KCNQ2: variants seen among roughly 807,000 people sequenced by gnomAD.
KCNQ2 encodes the protein potassium voltage-gated channel subfamily KQT member 2.
KCNQ2 carries 14 observed loss-of-function variants against 84.8 expected under a neutral mutation model. The ratio of observed to expected loss-of-function variants is 0.17; its 90% CI spans 0.11 to 0.26. The LOEUF is 0.26. Among genes scored for constraint, KCNQ2 ranks in the 10% least tolerant of loss-of-function variants. The probability of loss-of-function intolerance (pLI) is 1.00; values close to 1 mark genes in which losing one functional copy is unlikely to be tolerated. For missense variants in KCNQ2, 788 were observed against 1,254.0 expected (o/e 0.63, Z 5.61); for synonymous variants, 599 against 554.1 (o/e 1.08, Z -1.14).
At chr20:63,428,690 G>C (rs922691986) in intron 9 of KCNQ2, among the ~76,000 whole-genome samples, 1 of 152,192 alleles carries the variant, frequency 6.6e-6, no homozygotes, top group Admixed American at 6.5e-5. Context: ...GCAGGGAGGA[G>C]GGAAGAGGGC....
At chr20:63,439,208 C>T (rs943315139) in intron 6 of KCNQ2, among the ~76,000 whole-genome samples, 3 of 152,196 alleles carry the variant, frequency 2.0e-5, no homozygotes, top group African/African-American at 7.2e-5. Flanking sequence ...GACAGGGCCC[C>T]TCCACCTCCC....
chr20:63,427,170 C>G (rs1479587768), intron 10 of KCNQ2, among the ~76,000 whole-genome samples: 3 of 152,216 alleles, frequency 2.0e-5, no homozygotes, highest in Non-Finnish European at 4.4e-5. Flanking sequence ...TGCAGTGAGC[C>G]AAGATCGCAC....
chr20:63,433,993 G>A lies in KCNQ2; in HGVS notation c.1024-90C>T, dbSNP rs1337105012. The A allele has an allele frequency of 1.1e-5, 13 of 1,132,454 alleles. No homozygotes were observed. The South Asian group carries it at 1.6e-4, about 14-fold the overall frequency. 70.2% of individuals were successfully genotyped at this position (1,132,454 alleles called of 1,614,324 possible). A position where few individuals can be genotyped will look rare whatever the true frequency, so the allele number is the denominator to read the frequency against. ...GGGCGTGGAGGGAACGGGGCAGAGG[G>A]GACCCCCATGCTGTAGGCCAGGCAC... On this transcript the variant is annotated intron_variant, in intron 7 of 16. Transcript: ENST00000359125.
intron 9 of KCNQ2, among the ~76,000 whole-genome samples, chr20:63,429,945 G>A (rs907040663): frequency 2.0e-5 from 3 of 152,212 alleles, no homozygotes; most frequent in South Asian, 2.1e-4. Context: ...AGGACAGTCC[G>A]CTGTCCAAGT....
rs1168522040 is a variant in KCNQ2 at position 63,408,530 on chromosome 20, G to A, written c.1770C>T (p.Asp590=). 6.2e-7 allele frequency: 1 copy of A among 1,610,928 alleles called. No individual in the cohort carries two copies. The highest frequency in any genetic ancestry group is 8.5e-7 in the Non-Finnish European group (1 of 1,179,358). The part of the protein sequence containing the change: ...SRIKSLQSRV[D]QIVGRGPAIT... ...TCGCTGGGCCCCGCCCCACGATCTG[G>A]TCCACTCTACCGGGAACAGAGACCC... The change falls in exon 16 of 17, where the codon GAC becomes GAT. Residue 590 remains aspartate, a synonymous_variant. Transcript: ENST00000359125. This position sits in a 1 kb window ranked among gnomAD's most constrained non-coding sequence, Gnocchi z 5.0.
Position 63,472,381 on chromosome 20 carries a change from T to A in KCNQ2, c.83A>T (p.Asp28Val). Reference sequence around the variant, plus strand: ...CCGGGTGGAGTCGGGCGCGCCGGGGTCCAGCCCCACGAAGCCCACCTTCAG... The same window carrying A: ...CCGGGTGGAGTCGGGCGCGCCGGGGACCAGCCCCACGAAGCCCACCTTCAG... The part of the protein sequence containing the change: ...KKLKVGFVGL[D>V]PGAPDSTRDG... The change falls in exon 1 of 17, where the codon GAC (aspartate) becomes GTC (valine). Residue 28 changes from aspartate (D) to valine (V), a missense_variant. Physicochemically the swap from Asp to Val is radical, Grantham distance 152 (BLOSUM62 -3). Transcript: ENST00000359125. The A allele has an allele frequency of 1.3e-6, 2 of 1,535,306 alleles. No individual in the cohort carries two copies. The highest frequency in any genetic ancestry group is 1.7e-6 in the Non-Finnish European group (2 of 1,143,690).
chr20:63,426,312 G>A (rs1477497231), intron 10 of KCNQ2, among the ~76,000 whole-genome samples: 2 of 152,244 alleles, frequency 1.3e-5, no homozygotes, highest in East Asian at 3.8e-4. Context: ...TGTGGAGACG[G>A]TGGAGGCTGC....
chr20:63,461,409 G>A (rs1260796165), intron 1 of KCNQ2, among the ~76,000 whole-genome samples: 1 of 152,140 alleles, frequency 6.6e-6, no homozygotes, highest in African/African-American at 2.4e-5. Flanking sequence ...TCATTCCTCG[G>A]GCACCTCCCA....
Position 63,408,113 on chromosome 20 carries a change from C to T in KCNQ2, c.1887+300G>A, listed in dbSNP as rs900595772. On this transcript the variant is annotated intron_variant, in intron 16 of 16. Coordinates refer to ENST00000359125, the MANE Select transcript of KCNQ2 (RefSeq NM_172107.4). This position sits in a 1 kb window ranked among gnomAD's most constrained non-coding sequence, Gnocchi z 5.0. ...AGGAAGGCCAGGCAGGTACAACTTC[C>T]GGCACGTTCCACAAGGAACCCCTGA... The T allele has an allele frequency of 4.3e-5, 18 of 422,406 alleles. No homozygotes were observed. Among genetic ancestry groups the T allele is most frequent in the East Asian group, 1.4e-4 (3 of 20,786 alleles). The allele number at this position is 422,406 out of a possible 1,614,324, so 26.2% of individuals were successfully genotyped here.
intron 7 of KCNQ2, among the ~76,000 whole-genome samples, chr20:63,435,143 A>G (rs1309634820): frequency 6.6e-6 from 1 of 152,050 alleles, no homozygotes; most frequent in African/African-American, 2.4e-5. Context: ...GGCTCACAAC[A>G]CCTTGGAGGC....
At chr20:63,468,766 C>G (rs2082141184) in intron 1 of KCNQ2, among the ~76,000 whole-genome samples, 1 of 152,228 alleles carries the variant, frequency 6.6e-6, no homozygotes, top group Non-Finnish European at 1.5e-5. Context: ...GATTTCCCAT[C>G]TGGCCTATTT....
chr20:63,422,911 C>T (rs2080518452), intron 11 of KCNQ2, among the ~76,000 whole-genome samples: 1 of 152,188 alleles, frequency 6.6e-6, no homozygotes, highest in South Asian at 2.1e-4. Flanking sequence ...AGCCTCGCGT[C>T]CACCTGGGAC....
chr20:63,450,293 C>T (rs907903570), intron 1 of KCNQ2, among the ~76,000 whole-genome samples: 2 of 151,104 alleles, frequency 1.3e-5, no homozygotes, highest in Non-Finnish European at 3.0e-5. Flanking sequence ...ACGTGCCGGA[C>T]GAGGGCGGCC....
Position 63,433,740 on chromosome 20 carries a change from G to T in KCNQ2, c.1118+69C>A, listed in dbSNP as rs142571798. On this transcript the variant is annotated intron_variant, in intron 8 of 16. Coordinates refer to ENST00000359125, the MANE Select transcript of KCNQ2 (RefSeq NM_172107.4). ...ATCAAAATAATGAACAACAAAAAGT[G>T]GGGTTTAAGAACAAATGGAAAATAA... 5.7e-4 allele frequency: 926 copies of T among 1,611,546 alleles called. 4 individuals carry two copies. The African/African-American group carries it at 9.9e-3, about 17-fold the overall frequency.
In KCNQ2 at chr20:63,424,185, C is replaced by G. The variant is rs372146620; in HGVS notation, c.1239G>C (p.Pro413=). The G allele has an allele frequency of 5.1e-6, 8 of 1,556,108 alleles. No homozygotes were observed. The highest frequency in any genetic ancestry group is 1.4e-5 in the African/African-American group (1 of 73,662). The stretch of plus-strand genomic sequence containing the variant: ...CAGCAGGGGGCACTGACCTTGGAGA[C>G]GGCTCCGGCGGGGGGTCCTTCCTTC... ...LAFRKDPPPE[P]SPSKGSPCRG... is the part of the protein sequence containing the mutation. The change falls in exon 11 of 17, where the codon CCG becomes CCC. Residue 413 remains proline (P), a synonymous_variant. Coordinates refer to ENST00000359125, the MANE Select transcript of KCNQ2 (RefSeq NM_172107.4).
intron 9 of KCNQ2, among the ~76,000 whole-genome samples, chr20:63,430,487 C>T (rs1310529152): frequency 6.6e-6 from 1 of 152,140 alleles, no homozygotes; most frequent in Non-Finnish European, 1.5e-5. Context: ...TGACTGGCCC[C>T]TGGAGGAGTC....
rs1252768326 is a variant in KCNQ2 at position 63,405,166 on chromosome 20, AG to A, written c.*1477del. 1 of 152,288 alleles carries A rather than the reference AG, an allele frequency of 6.6e-6. No homozygotes were observed. The highest frequency in any genetic ancestry group is 2.4e-5 in the African/African-American group (1 of 41,418). The allele number at this position is 152,288 out of a possible 1,614,324, so 9.4% of individuals were successfully genotyped here. A position where few individuals can be genotyped will look rare whatever the true frequency, so the allele number is the denominator to read the frequency against. Reference sequence around the variant, plus strand: ...AGTGCACTGAAAACGCAGGTGGAGGAGAAACGGGCCCAGGACTCCCCTGCAC... The same window carrying A: ...AGTGCACTGAAAACGCAGGTGGAGGAAAACGGGCCCAGGACTCCCCTGCAC... On this transcript the variant is annotated 3_prime_UTR_variant, in exon 17 of 17. Transcript: ENST00000359125.
In KCNQ2 at chr20:63,403,293, T is replaced by A. The variant is rs961150462; in HGVS notation, c.*3351A>T. 6.6e-6 allele frequency: 1 copy of A among 152,234 alleles called. No individual in the cohort carries two copies. The highest frequency in any genetic ancestry group is 2.4e-5 in the African/African-American group (1 of 41,424). 9.4% of individuals were successfully genotyped at this position (152,234 alleles called of 1,614,324 possible). ...ATCACCACGACCCCTAAAGCCACAATTACTCCTTGTAGCCCCTCCCCAGGC... is the reference window on the plus strand; with the variant it reads ...ATCACCACGACCCCTAAAGCCACAAATACTCCTTGTAGCCCCTCCCCAGGC... On this transcript the variant is annotated 3_prime_UTR_variant, in exon 17 of 17. Coordinates refer to ENST00000359125, the MANE Select transcript of KCNQ2 (RefSeq NM_172107.4).
At chr20:63,467,376 G>A (rs753132164) in intron 1 of KCNQ2, among the ~76,000 whole-genome samples, 14 of 152,154 alleles carry the variant, frequency 9.2e-5, no homozygotes, top group Non-Finnish European at 1.5e-4. Context: ...CTACGGCTGC[G>A]GAACGTCATT....
Sources: allele counts gnomAD v4.1 joint callset (sites outside exome capture counted in the v4.1 genomes callset), GRCh38; gene constraint gnomAD v4.1.1; non-coding constraint Gnocchi (gnomAD v3.1); transcripts MANE v1.5; gene names NCBI Gene and HGNC (gene_info 2026-07-23, HGNC 2026-07-21).